Variants in RPTOR observed in about 807,000 individuals in gnomAD.
The protein encoded by RPTOR is regulatory associated protein of MTOR complex 1, also known as regulatory-associated protein of mTOR.
RPTOR carries 21 observed loss-of-function variants against 169.9 expected under a neutral mutation model. That is an observed-to-expected ratio of 0.12 (90% CI 0.09 to 0.18). The LOEUF is 0.18. Ranked by LOEUF, RPTOR falls within the 10% of genes least tolerant of loss-of-function variation. RPTOR has a pLI of 1.00. For synonymous variants in RPTOR, 732 were observed against 753.2 expected, an observed-to-expected ratio of 0.97 and a Z score of 0.46; for missense variants, 1,133 against 1,855.9, an observed-to-expected ratio of 0.61 and a Z score of 7.16.
At chr17:80,603,474 G>A (rs763100743) in intron 1 of RPTOR, among the ~76,000 whole-genome samples, 106 of 152,220 alleles carry the variant, frequency 7.0e-4, no homozygotes, top group Non-Finnish European at 1.2e-3. Flanking sequence ...TTAAGGGAAC[G>A]AGGGGTGAAA....
intron 3 of RPTOR, among the ~76,000 whole-genome samples, chr17:80,667,354 G>A (rs1446738606): frequency 6.6e-6 from 1 of 152,150 alleles, no homozygotes; most frequent in Admixed American, 6.6e-5. Flanking sequence ...ACATTCCAGT[G>A]GAAGCCAGAG....
intron 1 of RPTOR, among the ~76,000 whole-genome samples, chr17:80,554,278 G>T (rs559914686): frequency 9.2e-5 from 14 of 152,134 alleles, no homozygotes; most frequent in African/African-American, 3.1e-4. Context: ...GATTGCAACA[G>T]ATCTTTAAGA....
chr17:80,574,921 T>A (rs1232855968), intron 1 of RPTOR, among the ~76,000 whole-genome samples: 1 of 147,140 alleles, frequency 6.8e-6, no homozygotes, highest in Non-Finnish European at 1.5e-5. Context: ...TGCCCTGGCC[T>A]CCCAAAGTGC....
intron 1 of RPTOR, among the ~76,000 whole-genome samples, chr17:80,553,451 T>G (rs1417003819): frequency 6.6e-6 from 1 of 152,260 alleles, no homozygotes; most frequent in East Asian, 1.9e-4. Flanking sequence ...AATTTGAACC[T>G]TCAAGTGAAA....
At chr17:80,943,397 G>T (rs1299311901) in intron 25 of RPTOR, among the ~76,000 whole-genome samples, 4 of 152,240 alleles carry the variant, frequency 2.6e-5, no homozygotes, top group Non-Finnish European at 5.9e-5. Context: ...CACTTTGAAG[G>T]GTGGGAAGGG....
intron 4 of RPTOR, among the ~76,000 whole-genome samples, chr17:80,712,438 C>T (rs1357432312): frequency 1.3e-5 from 2 of 152,146 alleles, no homozygotes; most frequent in African/African-American, 4.8e-5. Context: ...CCTTTTCAGA[C>T]AGGCTTCTCT....
intron 6 of RPTOR, among the ~76,000 whole-genome samples, chr17:80,772,894 G>A (rs1194219459): frequency 2.0e-5 from 3 of 152,106 alleles, no homozygotes; most frequent in Non-Finnish European, 4.4e-5. Flanking sequence ...GTGTGAACTC[G>A]CCTGGGGCTG....
intron 2 of RPTOR, among the ~76,000 whole-genome samples, chr17:80,628,640 AC>A (rs1358947331): frequency 6.8e-6 from 1 of 147,446 alleles, no homozygotes; most frequent in Non-Finnish European, 1.5e-5. Flanking sequence ...TATTCTCCCC[AC>A]CCTTTTTTTT....
intron 1 of RPTOR, among the ~76,000 whole-genome samples, chr17:80,565,290 C>A (rs62068268): frequency 1.3e-5 from 2 of 152,098 alleles, no homozygotes; most frequent in Non-Finnish European, 2.9e-5. Context: ...TGGATGACTG[C>A]GCCAATGCCA....
intron 15 of RPTOR, 87 bp from the exon 16 acceptor site, chr17:80,883,694 G>C: frequency 7.0e-7 from 1 of 1,432,834 alleles, no homozygotes; most frequent in Non-Finnish European, 9.7e-7. Flanking sequence ...CCAAGAATGG[G>C]TGGCCACCGT....
intron 1 of RPTOR, among the ~76,000 whole-genome samples, chr17:80,599,243 G>A (rs943346999): frequency 3.3e-5 from 5 of 152,166 alleles, no homozygotes; most frequent in Non-Finnish European, 5.9e-5. Flanking sequence ...ATGCGGTGAG[G>A]CCCTGTGAAG....
At chr17:80,652,446 T>C (rs981164652) in intron 3 of RPTOR, among the ~76,000 whole-genome samples, 1 of 152,220 alleles carries the variant, frequency 6.6e-6, no homozygotes, top group Non-Finnish European at 1.5e-5. Flanking sequence ...GCATCTGGAA[T>C]GTTTTCAAGA....
chr17:80,922,675 G>C, intron 21 of RPTOR, 49 bp from the exon 22 acceptor site: 1 of 1,457,458 alleles, frequency 6.9e-7, no homozygotes, highest in Non-Finnish European at 9.4e-7. Context: ...GGCGGCCTCC[G>C]CGGAGCACGT....
At chr17:80,720,339 A>G (rs976461769) in intron 4 of RPTOR, among the ~76,000 whole-genome samples, 1 of 152,220 alleles carries the variant, frequency 6.6e-6, no homozygotes, top group African/African-American at 2.4e-5. Flanking sequence ...ATACACTATT[A>G]TCAGAAAAAT....
intron 3 of RPTOR, among the ~76,000 whole-genome samples, chr17:80,669,253 A>G (rs1203462778): frequency 3.3e-5 from 5 of 152,184 alleles, no homozygotes; most frequent in African/African-American, 1.2e-4. Context: ...GCTGAGTCCA[A>G]ATTCTTCTTC....
At chr17:80,642,127 C>A (rs2065558864) in intron 2 of RPTOR, among the ~76,000 whole-genome samples, 1 of 152,120 alleles carries the variant, frequency 6.6e-6, no homozygotes, top group African/African-American at 2.4e-5. Context: ...CTGGCAACTT[C>A]TTTTTTGTTG....
At chr17:80,701,219 A>C (rs1341449868) in intron 3 of RPTOR, among the ~76,000 whole-genome samples, 1 of 152,162 alleles carries the variant, frequency 6.6e-6, no homozygotes, top group East Asian at 1.9e-4. Context: ...AAATGCTGTG[A>C]AGTCTCTGTG....
At chr17:80,656,782 C>T (rs1344703326) in intron 3 of RPTOR, among the ~76,000 whole-genome samples, 2 of 152,282 alleles carry the variant, frequency 1.3e-5, no homozygotes, top group South Asian at 2.1e-4. Flanking sequence ...ATGGGGCCCA[C>T]GTGAGTGCTC....
In RPTOR at chr17:80,966,180, G is replaced by A. The variant is rs987467400; in HGVS notation, c.*1850G>A. The A allele has an allele frequency of 3.0e-5, 5 of 168,158 alleles. No individual in the cohort carries two copies. Among genetic ancestry groups the A allele is most frequent in the East Asian group, 1.0e-4 (1 of 9,826 alleles). 10.4% of individuals were successfully genotyped at this position (168,158 alleles called of 1,614,324 possible). A position where few individuals can be genotyped will look rare whatever the true frequency, so the allele number is the denominator to read the frequency against. On this transcript the variant is annotated 3_prime_UTR_variant, in exon 34 of 34. Coordinates refer to ENST00000306801, the MANE Select transcript of RPTOR (RefSeq NM_020761.3). ...CATGGGCACCGCGTGCCGCCTGCAC[G>A]TGGGCTGTCTTCACAGGTCTGATGT... is the stretch of plus-strand genomic sequence containing the variant.
Sources: gnomAD v4.1 joint callset for allele counts (sites outside exome capture counted in the v4.1 genomes callset) on GRCh38, gnomAD v4.1.1 for gene constraint, MANE v1.5 for transcripts, NCBI Gene and HGNC (gene_info 2026-07-23, HGNC 2026-07-21) for gene names.